The following LONRF2 variants were observed in gnomAD, a reference collection of about 807,000 sequenced individuals.
LONRF2 encodes the protein LON peptidase N-terminal domain and RING finger protein 2.
LONRF2 carries 35 observed loss-of-function variants against 66.6 expected under a neutral mutation model. The observed-to-expected ratio is 0.53, with a 90% CI of 0.40 to 0.70. The LOEUF (loss-of-function observed/expected upper bound fraction) is 0.70, where lower values mean the gene tolerates loss of function less well. LONRF2 is among the 30% of genes least tolerant of loss of function. The probability of loss-of-function intolerance (pLI) is 0.00; values close to 1 mark genes in which losing one functional copy is unlikely to be tolerated. For synonymous variants in LONRF2, 417 were observed against 418.1 expected, an observed-to-expected ratio of 1.00 and a Z score of 0.03; for missense variants, 902 against 1,002.1, an observed-to-expected ratio of 0.90 and a Z score of 1.35.
intron 9 of LONRF2, among the ~76,000 whole-genome samples, chr2:100,291,187 T>TTTA (rs1553540062): frequency 6.6e-6 from 1 of 151,166 alleles, no homozygotes; most frequent in African/African-American, 2.4e-5. Flanking sequence ...ATTTTTTTTT[T>TTTA]AAACAAATTG....
Position 100,278,178 on chromosome 2 carries a change from T to G in LONRF2, c.*6120A>C, listed in dbSNP as rs534906266. Reference sequence around the variant, plus strand: ...ACCACAAACCTGAATCTCTCTTAATTTAGGGCCTTTCGGTTGACTCACACC... The same window carrying G: ...ACCACAAACCTGAATCTCTCTTAATGTAGGGCCTTTCGGTTGACTCACACC... On this transcript the variant is annotated 3_prime_UTR_variant, in exon 12 of 12. Transcript: ENST00000393437. The G allele has an allele frequency of 2.6e-4, 39 of 152,224 alleles. No individual in the cohort carries two copies. Among genetic ancestry groups the G allele is most frequent in the African/African-American group, 9.4e-4 (39 of 41,532 alleles). 9.4% of individuals were successfully genotyped at this position (152,224 alleles called of 1,614,324 possible).
chr2:100,294,186 C>T (rs771942496), intron 9 of LONRF2, 43 bp downstream of exon 9: 1 of 1,590,170 alleles, frequency 6.3e-7, no homozygotes, highest in South Asian at 1.2e-5. Context: ...ACAAACGATG[C>T]CCTTCATTAG....
rs1460491121 is a variant in LONRF2 at position 100,321,774 on chromosome 2, C to A, written c.320G>T (p.Gly107Val). The A allele has an allele frequency of 1.9e-6, 2 of 1,042,586 alleles. No homozygotes were observed. The highest frequency in any genetic ancestry group is 4.2e-5 in the South Asian group (1 of 23,546). The allele number at this position is 1,042,586 out of a possible 1,614,324, so 64.6% of individuals were successfully genotyped here. ...ELAGGLVRAV[G>V]LRDRPLSAEN... Reference sequence around the variant, plus strand: ...CGCGGACAGCGGCCGGTCGCGCAGGCCCACGGCGCGCACCAGGCCGCCCGC... The same window carrying A: ...CGCGGACAGCGGCCGGTCGCGCAGGACCACGGCGCGCACCAGGCCGCCCGC... The change falls in exon 1 of 12, where the codon GGC (glycine) becomes GTC (valine). Residue 107 changes from glycine (G) to valine (V), a missense_variant. Transcript: ENST00000393437.
Position 100,282,553 on chromosome 2 carries a change from A to G in LONRF2, c.*1745T>C, listed in dbSNP as rs1413472822. The stretch of plus-strand genomic sequence containing the variant: ...TTTTATTCCAATCAATGAATGATTC[A>G]GTTATTCCAATCAAATGATCGGGTT... On this transcript the variant is annotated 3_prime_UTR_variant, in exon 12 of 12. Coordinates refer to ENST00000393437, the MANE Select transcript of LONRF2 (RefSeq NM_198461.4). 1 of 152,266 alleles carries G rather than the reference A, an allele frequency of 6.6e-6. No individual in the cohort carries two copies. Among genetic ancestry groups the G allele is most frequent in the Non-Finnish European group, 1.5e-5 (1 of 68,048 alleles). 9.4% of individuals were successfully genotyped at this position (152,266 alleles called of 1,614,324 possible). A position where few individuals can be genotyped will look rare whatever the true frequency, so the allele number is the denominator to read the frequency against.
Position 100,295,556 on chromosome 2 carries a change from G to A in LONRF2, c.1477-3C>T. ...TTAAAGTTTCTGCTTGCCAATAACT[G>A]TAACAAAAAAAAGTCAAATGATACT... On this transcript the variant is annotated splice_region_variant and splice_polypyrimidine_tract_variant and intron_variant, in intron 7 of 11. Coordinates refer to ENST00000393437, the MANE Select transcript of LONRF2 (RefSeq NM_198461.4). 1 of 1,609,072 alleles carries A rather than the reference G, an allele frequency of 6.2e-7. No homozygotes were observed. Among genetic ancestry groups the A allele is most frequent in the South Asian group, 1.1e-5 (1 of 90,074 alleles).
At position 100,290,456 on chromosome 2, in the gene LONRF2, T is replaced by C. The variant is rs375527400; in HGVS notation, c.1758-36A>G. ...AGTTAGGAGAAATGACTGTGATTTT[T>C]AAAATGCAGGGGGCCTTCTTTTTCC... On this transcript the variant is annotated intron_variant, in intron 9 of 11. Coordinates refer to ENST00000393437, the MANE Select transcript of LONRF2 (RefSeq NM_198461.4). 1.9e-5 allele frequency: 30 copies of C among 1,577,470 alleles called. No individual in the cohort carries two copies. In the African/African-American group the frequency reaches 3.9e-4, roughly 21 times the overall value.
At chr2:100,303,235 T>C (rs1489386543) in intron 2 of LONRF2, among the ~76,000 whole-genome samples, 192 bp from the exon 3 acceptor site, 1 of 152,220 alleles carries the variant, frequency 6.6e-6, no homozygotes, top group African/African-American at 2.4e-5. Flanking sequence ...CTTCAATAGC[T>C]CATAAATACA....
intron 1 of LONRF2, among the ~76,000 whole-genome samples, chr2:100,311,426 C>T (rs1433059277): frequency 2.0e-5 from 3 of 152,036 alleles, no homozygotes; most frequent in African/African-American, 4.8e-5. Context: ...GTTATGCCTG[C>T]TGCAAACCTG....
intron 1 of LONRF2, among the ~76,000 whole-genome samples, chr2:100,312,567 T>TTAA (rs1675430007): frequency 6.6e-6 from 1 of 152,234 alleles, no homozygotes; most frequent in Non-Finnish European, 1.5e-5. Flanking sequence ...ATGAATACAT[T>TTAA]TAAGTCTCTA....
rs757201265 is a variant in LONRF2, at chr2:100,290,311, G to A, written c.1867C>T (p.Arg623Cys). Residue 623 changes from arginine (R) to cysteine (C), a missense_variant, in exon 10 of 12, where the codon CGC (arginine) becomes TGC (cysteine). Coordinates refer to ENST00000393437, the MANE Select transcript of LONRF2 (RefSeq NM_198461.4). ...GCTGTGTTATAGCCATCTCTGTGGC[G>A]GTGGCTTAGCACTCGGAACCGACTG... Reference protein sequence around the residue: ...GISRFRVLSHRHRDGYNTADI... With the variant: ...GISRFRVLSHCHRDGYNTADI... 5.6e-6 allele frequency: 9 copies of A among 1,614,048 alleles called. No homozygotes were observed. Among genetic ancestry groups the A allele is most frequent in the South Asian group, 1.1e-5 (1 of 91,066 alleles).
rs970581685 is a variant in LONRF2, at chr2:100,280,992, T to G, written c.*3306A>C. On this transcript the variant is annotated 3_prime_UTR_variant, in exon 12 of 12. Coordinates refer to ENST00000393437, the MANE Select transcript of LONRF2 (RefSeq NM_198461.4). ...GAAGAGTGGTATTTACCCAAGTAAT[T>G]TAAGTGGTGGGGCACAAAAGAAAAC... 1 of 152,186 alleles carries G rather than the reference T, an allele frequency of 6.6e-6. No homozygotes were observed. Among genetic ancestry groups the G allele is most frequent in the African/African-American group, 2.4e-5 (1 of 41,454 alleles). The allele number at this position is 152,186 out of a possible 1,614,324, so 9.4% of individuals were successfully genotyped here. A position where few individuals can be genotyped will look rare whatever the true frequency, so the allele number is the denominator to read the frequency against.
chr2:100,321,149 G>A (rs1675613850), intron 1 of LONRF2, among the ~76,000 whole-genome samples: 1 of 152,190 alleles, frequency 6.6e-6, no homozygotes, highest in South Asian at 2.1e-4. Flanking sequence ...AGCAATTACA[G>A]GACCTTACAG....
At chr2:100,321,382 A>G in intron 1 of LONRF2, 33 bp downstream of exon 1, 1 of 1,398,894 alleles carries the variant, frequency 7.1e-7, no homozygotes, top group South Asian at 1.6e-5. Context: ...GGACAGGTGT[A>G]GGGGAGGCGG....
intron 10 of LONRF2, among the ~76,000 whole-genome samples, chr2:100,289,430 CTTTTTTTTTT>C (rs10543662): frequency 1.3e-5 from 1 of 77,076 alleles, no homozygotes; most frequent in Non-Finnish European, 2.2e-5. Flanking sequence ...ACAATAAGGT[CTTTTTTTTTT>C]TTTTTTTTTT....
In LONRF2 at chr2:100,276,356, G is replaced by A. The variant is rs1674600864; in HGVS notation, c.*7942C>T. 6.6e-6 allele frequency: 1 copy of A among 152,118 alleles called. No homozygotes were observed. Among genetic ancestry groups the A allele is most frequent in the South Asian group, 2.1e-4 (1 of 4,826 alleles). 9.4% of individuals were successfully genotyped at this position (152,118 alleles called of 1,614,324 possible). ...ATAAAATGGGGGGTGGATGGGTAAGGTATGCTTCACTTTAACTGTAGCCTG... is the reference window on the plus strand; with the variant it reads ...ATAAAATGGGGGGTGGATGGGTAAGATATGCTTCACTTTAACTGTAGCCTG... On this transcript the variant is annotated 3_prime_UTR_variant, in exon 12 of 12. Coordinates refer to ENST00000393437, the MANE Select transcript of LONRF2 (RefSeq NM_198461.4).
intron 1 of LONRF2, among the ~76,000 whole-genome samples, chr2:100,317,784 T>C (rs1193722373): frequency 6.6e-6 from 1 of 152,212 alleles, no homozygotes; most frequent in African/African-American, 2.4e-5. Flanking sequence ...CATTAGCTTC[T>C]AGCTTCAATA....
At chr2:100,289,636 C>T (rs1407146856) in intron 10 of LONRF2, among the ~76,000 whole-genome samples, 1 of 151,958 alleles carries the variant, frequency 6.6e-6, no homozygotes, top group African/African-American at 2.4e-5. Context: ...CAGGGTTTCA[C>T]CGTATTAGCC....
At chr2:100,307,836 T>G (rs1188781829) in intron 2 of LONRF2, among the ~76,000 whole-genome samples, 1 of 152,228 alleles carries the variant, frequency 6.6e-6, no homozygotes, top group Admixed American at 6.5e-5. Flanking sequence ...ATCTACATAT[T>G]GCACCTGATA....
intron 10 of LONRF2, among the ~76,000 whole-genome samples, chr2:100,289,798 A>G (rs1165469111): frequency 6.6e-6 from 1 of 152,140 alleles, no homozygotes; most frequent in Non-Finnish European, 1.5e-5. Flanking sequence ...ATCCACTGAG[A>G]AAATAAATAA....
Sources: gnomAD v4.1 joint callset for allele counts (sites outside exome capture counted in the v4.1 genomes callset) on GRCh38, gnomAD v4.1.1 for gene constraint, MANE v1.5 for transcripts, NCBI Gene and HGNC (gene_info 2026-07-23, HGNC 2026-07-21) for gene names.